Variants in MGST1 observed in about 807,000 individuals in gnomAD.
MGST1 encodes glutathione S-transferase 12.
A neutral mutation model predicts 8.9 loss-of-function variants in MGST1; 5 were observed. That is an observed-to-expected ratio of 0.56 (90% CI 0.29 to 1.19). MGST1 has a LOEUF of 1.19. Ranked by LOEUF, MGST1 falls within the 50% of genes most tolerant of loss-of-function variation. The pLI is 0.08. For missense variants in MGST1, 182 were observed against 187.4 expected (o/e 0.97, Z 0.17); for synonymous variants, 54 against 67.8 (o/e 0.80, Z 1.00).
downstream of MGST1, among the ~76,000 whole-genome samples, chr12:16,368,596 A>G (rs1349830381): frequency 6.6e-6 from 1 of 152,106 alleles, no homozygotes; most frequent in East Asian, 1.9e-4. Flanking sequence ...TGGATTTGAC[A>G]AGGAGGAGTT....
intron 4 of MGST1, among the ~76,000 whole-genome samples, chr12:16,475,924 T>A (rs1941319781): frequency 6.6e-6 from 1 of 151,822 alleles, no homozygotes; most frequent in Admixed American, 6.6e-5. Flanking sequence ...CACTACCTTC[T>A]GGCTGACAGT....
chr12:16,540,102 T>A (rs963770524), intron 4 of MGST1, among the ~76,000 whole-genome samples: 3 of 152,150 alleles, frequency 2.0e-5, no homozygotes, highest in African/African-American at 7.2e-5. Flanking sequence ...TCCTCCCTGC[T>A]CCCAGATTAT....
In MGST1 at chr12:16,587,679, C is replaced by A. The variant is rs934316149; in HGVS notation, n.483-1849C>A. Among the ~76,000 whole-genome samples the A allele has an allele frequency of 6.6e-6, 1 of 151,722 alleles. No individual in the cohort carries two copies. Among genetic ancestry groups the A allele is most frequent in the Non-Finnish European group, 1.5e-5 (1 of 67,778 alleles). The stretch of plus-strand genomic sequence containing the variant: ...GTCTGTCAGGAGTGCATTTTAACAG[C>A]ACGACACAAGTATTTTTCACTACAG... On this transcript the variant is annotated intron_variant and non_coding_transcript_variant, in intron 4 of 4. Transcript: ENST00000538857. This position sits in a 1 kb window ranked among gnomAD's most constrained non-coding sequence, Gnocchi z 4.3.
intron 4 of MGST1, among the ~76,000 whole-genome samples, chr12:16,533,967 C>A (rs951311038): frequency 6.6e-6 from 1 of 152,036 alleles, no homozygotes; most frequent in East Asian, 1.9e-4. Context: ...CATGGCTATT[C>A]AGGAATAAGG....
At chr12:16,441,428 C>T (rs1271462079), downstream of MGST1, among the ~76,000 whole-genome samples, 1 of 151,820 alleles carries the variant, frequency 6.6e-6, no homozygotes, top group Non-Finnish European at 1.5e-5. Context: ...TGATATCTAT[C>T]CACTATTATG....
chr12:16,404,647 G>A lies in MGST1; in HGVS notation n.778+21043G>A, dbSNP rs571582806. Among the ~76,000 whole-genome samples the A allele has an allele frequency of 1.8e-4, 27 of 152,116 alleles. 2 individuals are homozygous for A. The South Asian group carries it at 3.3e-3, about 19-fold the overall frequency. ...TTAACCTTCTCTGGGACATTTCAAG[G>A]ACCATAGGAGCTTTTGCTTCATTTA... On this transcript the variant is annotated intron_variant and non_coding_transcript_variant, in intron 1 of 1. Coordinates refer to the MGST1 transcript ENST00000359720.
At chr12:16,570,380 G>A (rs952935175) in intron 4 of MGST1, among the ~76,000 whole-genome samples, 1 of 151,960 alleles carries the variant, frequency 6.6e-6, no homozygotes, top group Non-Finnish European at 1.5e-5. Context: ...AAATTAAGTG[G>A]AGAGGTATCT....
At chr12:16,551,479 C>T (rs762028828) in intron 4 of MGST1, 5 of 577,006 alleles carry the variant, frequency 8.7e-6, no homozygotes, top group Non-Finnish European at 1.5e-5. Flanking sequence ...CAGAATTAGA[C>T]CATTTACCAT....
At chr12:16,428,049 A>G (rs1799019556) in intron 1 of MGST1, among the ~76,000 whole-genome samples, 2 of 151,652 alleles carry the variant, frequency 1.3e-5, no homozygotes, top group South Asian at 4.2e-4. Context: ...AACTTTTCCT[A>G]GAGTTTTGTA....
chr12:16,400,830 C>T (rs748224356), intron 1 of MGST1: 20 of 1,220,040 alleles, frequency 1.6e-5, no homozygotes, highest in Non-Finnish European at 2.3e-5. Context: ...TATTTCTTAT[C>T]GATGTAGATC....
chr12:16,368,903 G>A (rs1289201472), downstream of MGST1, among the ~76,000 whole-genome samples: 1 of 152,112 alleles, frequency 6.6e-6, no homozygotes, highest in Non-Finnish European at 1.5e-5. Flanking sequence ...GATATACCAC[G>A]AAGAGATCTG....
intron 4 of MGST1, among the ~76,000 whole-genome samples, chr12:16,494,729 A>G (rs1941459339): frequency 6.6e-6 from 1 of 152,152 alleles, no homozygotes; most frequent in African/African-American, 2.4e-5. Flanking sequence ...CCAAGACCCA[A>G]GTAGGCTTAA....
At chr12:16,489,823 T>C (rs1459126560) in intron 4 of MGST1, among the ~76,000 whole-genome samples, 2 of 152,198 alleles carry the variant, frequency 1.3e-5, no homozygotes, top group Non-Finnish European at 2.9e-5. Flanking sequence ...AGTTATTTTC[T>C]ACCGCCATGA....
In MGST1 at chr12:16,369,745, A is replaced by G. The variant is rs1277689084; in HGVS notation, c.222-6377A>G. 6.6e-6 allele frequency: 1 copy of G among 152,218 alleles called. No individual in the cohort carries two copies. The highest frequency in any genetic ancestry group is 1.5e-5 in the Non-Finnish European group (1 of 68,046). 9.4% of individuals were successfully genotyped at this position (152,218 alleles called of 1,614,324 possible). A position where few individuals can be genotyped will look rare whatever the true frequency, so the allele number is the denominator to read the frequency against. Reference sequence around the variant, plus strand: ...ATATTTACTCTCTGGTGTTTTACAGAAAGTTTTCTGATTCTTGCTCCAGTA... The same window carrying G: ...ATATTTACTCTCTGGTGTTTTACAGGAAGTTTTCTGATTCTTGCTCCAGTA... On this transcript the variant is annotated intron_variant, in intron 3 of 3. Transcript: ENST00000535309. The surrounding 1 kb of genome is among the most constrained non-coding windows in gnomAD (Gnocchi z 4.8).
intron 4 of MGST1, among the ~76,000 whole-genome samples, chr12:16,545,797 C>A (rs1941820683): frequency 3.3e-5 from 5 of 152,022 alleles, no homozygotes; most frequent in Admixed American, 1.3e-4. Flanking sequence ...CTCTCATTCC[C>A]AATTTTTATC....
chr12:16,538,285 T>C (rs934504918), intron 4 of MGST1, among the ~76,000 whole-genome samples: 2 of 152,170 alleles, frequency 1.3e-5, no homozygotes, highest in Non-Finnish European at 2.9e-5. Context: ...CTGGCCCTTA[T>C]TGTTCAAATC....
chr12:16,572,688 T>C (rs1942857088), intron 4 of MGST1, among the ~76,000 whole-genome samples: 1 of 147,822 alleles, frequency 6.8e-6, no homozygotes, highest in Non-Finnish European at 1.5e-5. Flanking sequence ...ATTATATATA[T>C]AATTTAAATA....
intron 3 of MGST1, among the ~76,000 whole-genome samples, chr12:16,370,595 A>C (rs1468790193): frequency 6.6e-6 from 1 of 152,154 alleles, no homozygotes; most frequent in African/African-American, 2.4e-5. Flanking sequence ...TTGATAGTGA[A>C]AGGAATATAA....
chr12:16,506,902 G>T (rs7296207), intron 4 of MGST1, among the ~76,000 whole-genome samples: 70,419 of 151,884 alleles, frequency 0.46, 17,321 homozygotes, highest in Middle Eastern at 0.63. Context: ...TGTCGGACAG[G>T]GTACAAACAA....
Sources: gnomAD v4.1 joint callset for allele counts (sites outside exome capture counted in the v4.1 genomes callset) on GRCh38, gnomAD v4.1.1 for gene constraint, Gnocchi (gnomAD v3.1) non-coding constraint, MANE v1.5 for transcripts, NCBI Gene and HGNC (gene_info 2026-07-23, HGNC 2026-07-21) for gene names.